Variants in LCLAT1 observed in about 807,000 individuals in gnomAD.
LCLAT1 encodes 1-AGP acyltransferase 8.
In LCLAT1, 11 loss-of-function variants were observed where a neutral mutation model predicts 30.7. The ratio of observed to expected loss-of-function variants is 0.36; its 90% CI spans 0.23 to 0.59. The LOEUF is 0.59. LCLAT1 is among the 20% of genes least tolerant of loss of function. The probability of loss-of-function intolerance (pLI) is 0.77; values close to 1 mark genes in which losing one functional copy is unlikely to be tolerated. For missense variants in LCLAT1, 402 were observed against 458.6 expected (o/e 0.88, Z 1.13); for synonymous variants, 155 against 151.3 (o/e 1.02, Z -0.18).
chr2:30,571,361 A>G (rs1447791366), intron 5 of LCLAT1, among the ~76,000 whole-genome samples: 1 of 152,192 alleles, frequency 6.6e-6, no homozygotes, highest in Non-Finnish European at 1.5e-5. Context: ...TGTTTGTGGG[A>G]CGCTCATGTT....
chr2:30,605,356 G>A (rs544409367), intron 5 of LCLAT1, among the ~76,000 whole-genome samples: 33 of 152,190 alleles, frequency 2.2e-4, no homozygotes, highest in Admixed American at 4.6e-4. Flanking sequence ...TAGTCTTGAC[G>A]TCAGTAGTCT....
At chr2:30,627,120 G>A (rs966352299) in intron 5 of LCLAT1, among the ~76,000 whole-genome samples, 2 of 152,184 alleles carry the variant, frequency 1.3e-5, no homozygotes, top group Non-Finnish European at 2.9e-5. Context: ...AATGGACTTA[G>A]AGGCACAAAG....
chr2:30,629,411 T>C (rs889150107), intron 5 of LCLAT1, among the ~76,000 whole-genome samples: 2 of 151,792 alleles, frequency 1.3e-5, no homozygotes, highest in Non-Finnish European at 2.9e-5. Context: ...AATACAAAAA[T>C]TAGCCGGGCA....
chr2:30,552,171 A>G (rs1037363691), intron 3 of LCLAT1, among the ~76,000 whole-genome samples: 2 of 152,256 alleles, frequency 1.3e-5, no homozygotes, highest in East Asian at 1.9e-4. Flanking sequence ...ATCTCAGATA[A>G]TAGCTCATTT....
intron 5 of LCLAT1, among the ~76,000 whole-genome samples, chr2:30,602,431 A>C (rs1667233695): frequency 6.6e-6 from 1 of 152,176 alleles, no homozygotes; most frequent in Admixed American, 6.6e-5. Flanking sequence ...CCTTTGGTAA[A>C]ATGGCTACAA....
chr2:30,534,273 G>A (rs1686131268), intron 3 of LCLAT1, among the ~76,000 whole-genome samples: 1 of 115,876 alleles, frequency 8.6e-6, no homozygotes, highest in Non-Finnish European at 1.9e-5. Context: ...GTGTGTGTGT[G>A]TTTGGGAGAC....
At chr2:30,468,963 A>T (rs1682623512) in intron 1 of LCLAT1, among the ~76,000 whole-genome samples, 2 of 152,160 alleles carry the variant, frequency 1.3e-5, no homozygotes, top group East Asian at 3.8e-4. Flanking sequence ...GTATATAGTG[A>T]TATCTCATTG....
intron 1 of LCLAT1, among the ~76,000 whole-genome samples, chr2:30,502,285 TG>T (rs1397971933): frequency 3.9e-5 from 6 of 152,234 alleles, no homozygotes; most frequent in Non-Finnish European, 4.4e-5. Context: ...CTTTTTCCTT[TG>T]GCATTCATGA....
At chr2:30,513,280 A>G (rs1318588232) in intron 1 of LCLAT1, among the ~76,000 whole-genome samples, 1 of 151,718 alleles carries the variant, frequency 6.6e-6, no homozygotes, top group Non-Finnish European at 1.5e-5. Flanking sequence ...TGTTTGCTAC[A>G]TTTAACTATA....
chr2:30,532,736 C>G (rs1046869758), intron 2 of LCLAT1, among the ~76,000 whole-genome samples: 28 of 151,026 alleles, frequency 1.9e-4, no homozygotes, highest in Non-Finnish European at 3.1e-4. Flanking sequence ...TTTTTTTTCC[C>G]CTGTACCCAG....
intron 5 of LCLAT1, among the ~76,000 whole-genome samples, chr2:30,596,283 C>A (rs1454605792): frequency 6.6e-6 from 1 of 152,124 alleles, no homozygotes; most frequent in Non-Finnish European, 1.5e-5. Flanking sequence ...TCCTCTCGCT[C>A]CACAGCCTTG....
intron 3 of LCLAT1, among the ~76,000 whole-genome samples, chr2:30,550,315 T>C (rs1385214626): frequency 3.3e-5 from 5 of 152,244 alleles, no homozygotes; most frequent in Non-Finnish European, 7.3e-5. Flanking sequence ...TGCAATACTA[T>C]TAACAATGGA....
chr2:30,507,185 T>A (rs1156402355), intron 1 of LCLAT1, among the ~76,000 whole-genome samples: 2 of 151,714 alleles, frequency 1.3e-5, no homozygotes, highest in Non-Finnish European at 2.9e-5. Context: ...CTTATAGTTG[T>A]CTTGGAAAAA....
intron 5 of LCLAT1, among the ~76,000 whole-genome samples, chr2:30,608,706 G>A (rs1667585962): frequency 6.6e-6 from 1 of 152,056 alleles, no homozygotes; most frequent in Non-Finnish European, 1.5e-5. Flanking sequence ...AGCCTAGGTG[G>A]GTCATAGACT....
chr2:30,502,327 G>A (rs1684442231), intron 1 of LCLAT1, among the ~76,000 whole-genome samples: 1 of 152,084 alleles, frequency 6.6e-6, no homozygotes. Flanking sequence ...AGTTATTCAT[G>A]TCTTGATAAT....
intron 5 of LCLAT1, among the ~76,000 whole-genome samples, chr2:30,598,585 A>T (rs115429946): frequency 6.6e-6 from 1 of 151,756 alleles, no homozygotes; most frequent in South Asian, 2.1e-4. Flanking sequence ...TAACTTTTTC[A>T]AAAAACCAGC....
At chr2:30,638,242 G>A (rs945625274) in intron 5 of LCLAT1, among the ~76,000 whole-genome samples, 1 of 152,208 alleles carries the variant, frequency 6.6e-6, no homozygotes, top group Non-Finnish European at 1.5e-5. Flanking sequence ...AGTGGAAAGG[G>A]TAAATGTGGG....
At position 30,640,199 on chromosome 2, in the gene LCLAT1, A is replaced by G. The variant is rs1253055229; in HGVS notation, c.711A>G (p.Gly237=). ...IPQSEKHLLQ[G]DFPREIHFHV... The stretch of plus-strand genomic sequence containing the variant: ...AATCAGAGAAGCACCTCCTCCAAGG[A>G]GACTTTCCCAGGGAAATCCACTTTC... Residue 237 remains glycine (G), a synonymous_variant, in exon 6 of 6, where the codon GGA becomes GGG. Transcript: ENST00000379509. The G allele has an allele frequency of 6.2e-7, 1 of 1,614,014 alleles. No homozygotes were observed.
At chr2:30,454,580 G>A (rs1681727976) in intron 1 of LCLAT1, among the ~76,000 whole-genome samples, 1 of 151,904 alleles carries the variant, frequency 6.6e-6, no homozygotes, top group Non-Finnish European at 1.5e-5. Context: ...GCTTCCCAGA[G>A]TAGCTGGTAC....
Sources: gnomAD v4.1 joint callset for allele counts (sites outside exome capture counted in the v4.1 genomes callset) on GRCh38, gnomAD v4.1.1 for gene constraint, MANE v1.5 for transcripts, NCBI Gene and HGNC (gene_info 2026-07-23, HGNC 2026-07-21) for gene names.